NRG3: variants seen among roughly 807,000 people sequenced by gnomAD.
NRG3 encodes pro-neuregulin-3, membrane-bound isoform.
NRG3 carries 31 observed loss-of-function variants against 66.9 expected under a neutral mutation model. That is an observed-to-expected ratio of 0.46 (90% CI 0.35 to 0.63). The LOEUF is 0.63. NRG3 is among the 20% of genes least tolerant of loss of function. The pLI is 0.00. For synonymous variants in NRG3, 393 were observed against 359.4 expected, an observed-to-expected ratio of 1.09 and a Z score of -1.06; for missense variants, 910 against 878.9, an observed-to-expected ratio of 1.04 and a Z score of -0.45.
chr10:81,914,711 A>G (rs1845493635), intron 1 of NRG3, among the ~76,000 whole-genome samples: 1 of 147,580 alleles, frequency 6.8e-6, no homozygotes, highest in African/African-American at 2.5e-5. Flanking sequence ...AACTGTGATC[A>G]TGTCACTGTA....
intron 1 of NRG3, among the ~76,000 whole-genome samples, chr10:82,029,533 A>G (rs10786833): frequency 0.96 from 146,439 of 152,256 alleles, 70,477 homozygotes; most frequent in African/African-American, 0.99. Context: ...GCCTTGCTGT[A>G]TTATCTGCTG....
chr10:82,464,819 G>T (rs909903515), intron 2 of NRG3, among the ~76,000 whole-genome samples: 2 of 152,200 alleles, frequency 1.3e-5, no homozygotes, highest in African/African-American at 4.8e-5. Context: ...GTGCTTTGGA[G>T]TTTACAGAGT....
At chr10:82,461,066 A>G (rs1261996671) in intron 2 of NRG3, among the ~76,000 whole-genome samples, 1 of 151,796 alleles carries the variant, frequency 6.6e-6, no homozygotes, top group Admixed American at 6.6e-5. Context: ...TATCAGCACT[A>G]CCGCCACCAT....
At chr10:82,510,440 A>G (rs1316799911) in intron 2 of NRG3, among the ~76,000 whole-genome samples, 1 of 152,062 alleles carries the variant, frequency 6.6e-6, no homozygotes, top group Non-Finnish European at 1.5e-5. Context: ...CAGAAAGTCT[A>G]TGCACACTCT....
intron 1 of NRG3, among the ~76,000 whole-genome samples, chr10:81,894,975 G>A (rs142908975): frequency 0.011 from 1,747 of 152,166 alleles, 21 homozygotes; most frequent in Admixed American, 0.027. Flanking sequence ...CTTTTCAAAC[G>A]TCACATCATA....
chr10:82,490,849 T>A (rs1027819813), intron 2 of NRG3, among the ~76,000 whole-genome samples: 1 of 152,132 alleles, frequency 6.6e-6, no homozygotes, highest in Non-Finnish European at 1.5e-5. Flanking sequence ...TTGTCTGGAT[T>A]ATTTAAAATA....
In NRG3 at chr10:82,754,674, C is replaced by T. The variant is rs185928440; in HGVS notation, c.1027+16024C>T. ...ACAAGCCTCAACCCAATTTAATTAG[C>T]TTTACCTTGAGATCCAGAGACCAAT... On this transcript the variant is annotated intron_variant, in intron 3 of 8. Transcript: ENST00000372141. Among the ~76,000 whole-genome samples the T allele has an allele frequency of 2.0e-5, 3 of 152,188 alleles. No individual in the cohort carries two copies. In the East Asian group the frequency reaches 5.8e-4, roughly 29 times the overall value.
intron 1 of NRG3, among the ~76,000 whole-genome samples, chr10:82,157,941 A>G (rs1209847445): frequency 6.6e-6 from 1 of 151,720 alleles, no homozygotes; most frequent in Admixed American, 6.6e-5. Context: ...AGTAATGTGC[A>G]TGATACTGAA....
intron 1 of NRG3, among the ~76,000 whole-genome samples, chr10:82,157,983 C>T (rs1168019914): frequency 2.0e-5 from 3 of 151,614 alleles, no homozygotes; most frequent in Non-Finnish European, 4.4e-5. Flanking sequence ...ACGTGATTAG[C>T]ATCGGGAGCC....
chr10:81,967,644 T>C (rs932351344), intron 1 of NRG3, among the ~76,000 whole-genome samples: 10 of 152,116 alleles, frequency 6.6e-5, no homozygotes, highest in Non-Finnish European at 1.5e-4. Context: ...AGTGTGCCAA[T>C]TTCCTTTCAT....
chr10:82,735,094 A>G (rs1194872942), intron 2 of NRG3, among the ~76,000 whole-genome samples: 2 of 152,158 alleles, frequency 1.3e-5, no homozygotes, highest in African/African-American at 4.8e-5. Flanking sequence ...CTGGTTTCCA[A>G]TGTAACAAAT....
At chr10:82,662,614 A>C (rs1444594979) in intron 2 of NRG3, among the ~76,000 whole-genome samples, 1 of 152,152 alleles carries the variant, frequency 6.6e-6, no homozygotes, top group Non-Finnish European at 1.5e-5. Flanking sequence ...AGAGCAAGGG[A>C]ATGGATATGT....
chr10:82,765,007 T>C (rs1016943011), intron 3 of NRG3, among the ~76,000 whole-genome samples: 2 of 152,154 alleles, frequency 1.3e-5, no homozygotes, highest in Non-Finnish European at 2.9e-5. Context: ...CAATATCAAA[T>C]TATCAATATT....
chr10:82,021,159 C>G (rs1479193115), intron 1 of NRG3, among the ~76,000 whole-genome samples: 1 of 152,060 alleles, frequency 6.6e-6, no homozygotes, highest in Non-Finnish European at 1.5e-5. Flanking sequence ...TATATTTACA[C>G]ACTGCCACCT....
At chr10:82,740,102 CTTCA>C (rs953088446) in intron 3 of NRG3, among the ~76,000 whole-genome samples, 2 of 149,854 alleles carry the variant, frequency 1.3e-5, no homozygotes, top group Non-Finnish European at 3.0e-5. Context: ...ATTTATTTCC[CTTCA>C]TTATTTTGTC....
chr10:82,129,069 T>G (rs2068645360), intron 1 of NRG3, among the ~76,000 whole-genome samples: 1 of 151,948 alleles, frequency 6.6e-6, no homozygotes. Flanking sequence ...CCTGCCACCA[T>G]GCCCAGCTAA....
At chr10:82,734,121 A>C (rs1432811804) in intron 2 of NRG3, among the ~76,000 whole-genome samples, 2 of 152,210 alleles carry the variant, frequency 1.3e-5, no homozygotes, top group Non-Finnish European at 2.9e-5. Context: ...ACCAATGATC[A>C]CAGATCTTGT....
At chr10:82,098,323 C>T (rs1590102547) in intron 1 of NRG3, among the ~76,000 whole-genome samples, 1 of 149,590 alleles carries the variant, frequency 6.7e-6, no homozygotes, top group South Asian at 2.1e-4. Context: ...TAGATGTCAT[C>T]TATATATATG....
chr10:82,676,402 C>T (rs368261101), intron 2 of NRG3, among the ~76,000 whole-genome samples: 2 of 152,122 alleles, frequency 1.3e-5, no homozygotes, highest in East Asian at 3.9e-4. Flanking sequence ...CAGGGGACCG[C>T]CCCCAGCCAC....
Sources: allele counts gnomAD v4.1 joint callset (sites outside exome capture counted in the v4.1 genomes callset), GRCh38; gene constraint gnomAD v4.1.1; transcripts MANE v1.5; gene names NCBI Gene and HGNC (gene_info 2026-07-23, HGNC 2026-07-21).